Variants in C20orf203 observed in about 807,000 individuals in gnomAD.
C20orf203 encodes uncharacterized protein C20orf203.
In C20orf203, 16 loss-of-function variants were observed where a neutral mutation model predicts 15.9. The ratio of observed to expected loss-of-function variants is 1.01; its 90% CI spans 0.68 to 1.53. The LOEUF (loss-of-function observed/expected upper bound fraction) is 1.53. C20orf203 is among the 40% of genes most tolerant of loss of function. C20orf203 has a pLI of 0.00. For missense variants in C20orf203, 263 were observed against 247.5 expected, an observed-to-expected ratio of 1.06 and a Z score of -0.42; for synonymous variants, 98 against 97.2, an observed-to-expected ratio of 1.01 and a Z score of -0.05.
rs193093810 is a variant in C20orf203 at position 32,632,032 on chromosome 20, T to C, written c.*3538A>G. The C allele has an allele frequency of 5.6e-3, 850 of 152,356 alleles. 6 individuals are homozygous for C. The highest frequency in any genetic ancestry group is 0.02 in the African/African-American group (811 of 41,566). 9.4% of individuals were successfully genotyped at this position (152,356 alleles called of 1,614,324 possible). A position where few individuals can be genotyped will look rare whatever the true frequency, so the allele number is the denominator to read the frequency against. ...CTTGAGGCAGGGCAGGACTTCAGAA[T>C]TGGCCAGAGGGCGACCTGAGACATG... On this transcript the variant is annotated 3_prime_UTR_variant, in exon 6 of 6. Coordinates refer to ENST00000608990, the MANE Select transcript of C20orf203 (RefSeq NM_182584.4).
At chr20:32,670,521 T>C (rs957491852) in intron 1 of C20orf203, among the ~76,000 whole-genome samples, 1 of 146,504 alleles carries the variant, frequency 6.8e-6, no homozygotes, top group Non-Finnish European at 1.5e-5. Flanking sequence ...AAAATAAAAA[T>C]AAATAAAAAA....
At chr20:32,660,810 C>T (rs1982872420) in intron 1 of C20orf203, among the ~76,000 whole-genome samples, 1 of 152,150 alleles carries the variant, frequency 6.6e-6, no homozygotes, top group African/African-American at 2.4e-5. Context: ...ACAATCATGG[C>T]AGAAGAGGAA....
rs1982573418 is a variant in C20orf203 at position 32,650,421 on chromosome 20, C to T, written c.*11G>A. On this transcript the variant is annotated 3_prime_UTR_variant, in exon 4 of 6. Transcript: ENST00000608990. ...CAGGCAGAGCTGGGGGTGGGGGCGC[C>T]CTGGGCTCGGCTAATTAAACAGCGA... is the stretch of plus-strand genomic sequence containing the variant. 1.3e-6 allele frequency: 2 copies of T among 1,543,270 alleles called. No homozygotes were observed. The highest frequency in any genetic ancestry group is 1.2e-5 in the South Asian group (1 of 83,404).
At chr20:32,636,056 G>A (rs1383798226) in intron 5 of C20orf203, among the ~76,000 whole-genome samples, 1 of 152,090 alleles carries the variant, frequency 6.6e-6, no homozygotes, top group Non-Finnish European at 1.5e-5. Context: ...GCCCCCCTCA[G>A]GGTCCTTCCA....
intron 1 of C20orf203, among the ~76,000 whole-genome samples, chr20:32,670,308 C>T (rs1983133803): frequency 6.6e-6 from 1 of 151,708 alleles, no homozygotes; most frequent in East Asian, 1.9e-4. Flanking sequence ...AGTTCAAGAC[C>T]AGCTTGGCCA....
intron 1 of C20orf203, among the ~76,000 whole-genome samples, chr20:32,672,485 AC>A (rs1393109666): frequency 6.6e-6 from 1 of 151,858 alleles, no homozygotes; most frequent in Non-Finnish European, 1.5e-5. Flanking sequence ...AGGCAGGAGG[AC>A]TGCTTGAGCC....
At chr20:32,642,971 G>A (rs1029317883) in intron 4 of C20orf203, among the ~76,000 whole-genome samples, 20 of 152,074 alleles carry the variant, frequency 1.3e-4, no homozygotes, top group Non-Finnish European at 2.4e-4. Context: ...CTGCCGGTGG[G>A]AGGCTACAGA....
In C20orf203 at chr20:32,650,215, G is replaced by C; in HGVS notation, c.*217C>G. 1.8e-6 allele frequency: 1 copy of C among 558,638 alleles called. No homozygotes were observed. Among genetic ancestry groups the C allele is most frequent in the Non-Finnish European group, 3.2e-6 (1 of 312,278 alleles). The allele number at this position is 558,638 out of a possible 1,614,324, so 34.6% of individuals were successfully genotyped here. A position where few individuals can be genotyped will look rare whatever the true frequency, so the allele number is the denominator to read the frequency against. On this transcript the variant is annotated 3_prime_UTR_variant, in exon 4 of 6. Transcript: ENST00000608990. ...CCGGGGTTCTACCCAGAGCCAGCCT[G>C]GCACAGCCTCGGTCCCTAATCATGT...
intron 1 of C20orf203, among the ~76,000 whole-genome samples, chr20:32,660,758 T>C (rs1011290694): frequency 6.6e-6 from 1 of 152,084 alleles, no homozygotes; most frequent in Non-Finnish European, 1.5e-5. Context: ...GAGGTTTAAT[T>C]GACTCACAGT....
At chr20:32,648,428 C>CTTTTTTTTTTTTT (rs56838832) in intron 4 of C20orf203, among the ~76,000 whole-genome samples, 4 of 80,334 alleles carry the variant, frequency 5.0e-5, no homozygotes, top group African/African-American at 2.0e-4. Context: ...CTGAAACTGT[C>CTTTTTTTTTTTTT]TTTTTTTTTT....
chr20:32,666,797 TTATATA>T lies in C20orf203; in HGVS notation c.-264+6829_-264+6834del, dbSNP rs34933326. Among the ~76,000 whole-genome samples, 496 of 65,612 alleles carry T rather than the reference TTATATA, an allele frequency of 7.6e-3. 19 individuals carry two copies. The highest frequency in any genetic ancestry group is 0.019 in the African/African-American group (425 of 22,820). 43.0% of individuals were successfully genotyped at this position (65,612 alleles called of 152,430 possible). A position where few individuals can be genotyped will look rare whatever the true frequency, so the allele number is the denominator to read the frequency against. On this transcript the variant is annotated intron_variant, in intron 1 of 5. Transcript: ENST00000608990. ...AAAAAAAGATGAAATTAATTTTAAT[TTATATA>T]TATATATATATATATATATATAGTT... is the stretch of plus-strand genomic sequence containing the variant.
At chr20:32,669,716 AG>A (rs1983117312) in intron 1 of C20orf203, among the ~76,000 whole-genome samples, 1 of 152,216 alleles carries the variant, frequency 6.6e-6, no homozygotes, top group South Asian at 2.1e-4. Context: ...AAGAAAATAT[AG>A]GGGAAAAGTT....
At position 32,650,794 on chromosome 20, in the gene C20orf203, G is replaced by A. The variant is rs1412757124; in HGVS notation, c.223C>T (p.His75Tyr). 11 of 1,501,656 alleles carry A rather than the reference G, an allele frequency of 7.3e-6. No individual in the cohort carries two copies. Among genetic ancestry groups the A allele is most frequent in the Non-Finnish European group, 9.8e-6 (11 of 1,123,574 alleles). The allele number at this position is 1,501,656 out of a possible 1,614,324, so 93.0% of individuals were successfully genotyped here. Residue 75 changes from histidine to tyrosine, a missense_variant, in exon 4 of 6, where the codon CAC (histidine) becomes TAC (tyrosine). His to Tyr is a moderately conservative substitution (Grantham distance 83). Transcript: ENST00000608990. ...TGGCGCTGGTGGCTGGGCTGGGGGTGGACTCGCTGAGCCTTTGAGGTCCTC... is the reference window on the plus strand; with the variant it reads ...TGGCGCTGGTGGCTGGGCTGGGGGTAGACTCGCTGAGCCTTTGAGGTCCTC... ...GRRTSKAQRV[H>Y]PQPSHQRQPP...
At chr20:32,656,413 G>A (rs1982754684) in intron 1 of C20orf203, among the ~76,000 whole-genome samples, 1 of 152,154 alleles carries the variant, frequency 6.6e-6, no homozygotes, top group Non-Finnish European at 1.5e-5. Flanking sequence ...TGAGAATATG[G>A]AGAAATCAGA....
Position 32,666,694 on chromosome 20 carries a change from C to T in C20orf203, c.-264+6938G>A, listed in dbSNP as rs1367203653. ...AGGAGAATTGCTTGAACCCAGGAGG[C>T]GGAGGTTGCAGTGAGCCAAGACTGT... is the stretch of plus-strand genomic sequence containing the variant. On this transcript the variant is annotated intron_variant, in intron 1 of 5. Coordinates refer to ENST00000608990, the MANE Select transcript of C20orf203 (RefSeq NM_182584.4). Among the ~76,000 whole-genome samples the T allele has an allele frequency of 3.5e-5, 5 of 141,996 alleles. No individual in the cohort carries two copies. In the South Asian group the frequency reaches 6.9e-4, roughly 19 times the overall value. The allele number at this position is 141,996 out of a possible 152,430, so 93.2% of individuals were successfully genotyped here.
rs749535447 is a variant in C20orf203, at chr20:32,636,799, A to C, written c.*1300-2529T>G. Reference sequence around the variant, plus strand: ...ATATTTCCTCTGCCCCTTGGCACCAAGGGCAGCCTCTGTTGGAGTGACCCA... The same window carrying C: ...ATATTTCCTCTGCCCCTTGGCACCACGGGCAGCCTCTGTTGGAGTGACCCA... On this transcript the variant is annotated intron_variant, in intron 5 of 5. Coordinates refer to ENST00000608990, the MANE Select transcript of C20orf203 (RefSeq NM_182584.4). Among the ~76,000 whole-genome samples the C allele has an allele frequency of 1.1e-4, 17 of 152,278 alleles. No homozygotes were observed. The Middle Eastern group carries it at 0.01, about 91-fold the overall frequency.
At chr20:32,673,171 C>T (rs559333087) in intron 1 of C20orf203, among the ~76,000 whole-genome samples, 13 of 152,218 alleles carry the variant, frequency 8.5e-5, no homozygotes, top group South Asian at 6.2e-4. Context: ...GCGACAAGCC[C>T]GCCCTCCTGA....
At chr20:32,643,031 G>C (rs918411232) in intron 4 of C20orf203, among the ~76,000 whole-genome samples, 108 of 152,204 alleles carry the variant, frequency 7.1e-4, no homozygotes, top group African/African-American at 2.4e-3. Flanking sequence ...CCTGTACTCA[G>C]AGCCTGTCCC....
intron 1 of C20orf203, among the ~76,000 whole-genome samples, chr20:32,670,335 T>C (rs1027692101): frequency 2.0e-5 from 3 of 151,464 alleles, no homozygotes; most frequent in Admixed American, 6.6e-5. Flanking sequence ...TGAAACCTTG[T>C]CTCTACTAAA....
Sources: gnomAD v4.1 joint callset for allele counts (sites outside exome capture counted in the v4.1 genomes callset) on GRCh38, gnomAD v4.1.1 for gene constraint, MANE v1.5 for transcripts, NCBI Gene and HGNC (gene_info 2026-07-23, HGNC 2026-07-21) for gene names.